Variants in DMRT3 observed in about 807,000 individuals in gnomAD.
DMRT3 encodes doublesex- and mab-3-related transcription factor 3.
In DMRT3, 29 loss-of-function variants were observed where a neutral mutation model predicts 34.9. The observed-to-expected ratio is 0.83, with a 90% CI of 0.62 to 1.13. The LOEUF is 1.13. Among genes scored for constraint, DMRT3 ranks in the 50% most tolerant of loss-of-function variants. DMRT3 has a pLI of 0.00. For synonymous variants in DMRT3, 350 were observed against 286.0 expected, an observed-to-expected ratio of 1.22 and a Z score of -2.26; for missense variants, 772 against 629.1, an observed-to-expected ratio of 1.23 and a Z score of -2.43.
chr9:990,403 G>T lies in DMRT3; in HGVS notation c.817G>T (p.Gly273Cys). ...KPTVLELILK[G>C]CGGDLVSAVE... The stretch of plus-strand genomic sequence containing the variant: ...AACGGTGCTTGAGCTCATCCTCAAG[G>T]GCTGTGGCGGGGACCTGGTGAGCGC... Residue 273 changes from glycine to cysteine, a missense_variant, in exon 2 of 2, where the codon GGC becomes TGC. By Grantham distance (159) the Gly-to-Cys change is radical (BLOSUM62 -3). Transcript: ENST00000190165. The T allele has an allele frequency of 1.2e-6, 2 of 1,614,104 alleles. No homozygotes were observed. Among genetic ancestry groups the T allele is most frequent in the South Asian group, 2.2e-5 (2 of 91,074 alleles).
chr9:984,479 A>G (rs1368311815), intron 1 of DMRT3, among the ~76,000 whole-genome samples: 2 of 149,656 alleles, frequency 1.3e-5, no homozygotes, highest in Non-Finnish European at 3.0e-5. Context: ...TTTTATTTAG[A>G]CAGTCTAATT....
intron 1 of DMRT3, among the ~76,000 whole-genome samples, chr9:984,617 C>T (rs28475529): frequency 0.028 from 4,254 of 151,982 alleles, 117 homozygotes; most frequent in East Asian, 0.097. Flanking sequence ...CCACCATGCT[C>T]GGCTATTTTT....
chr9:984,263 C>A (rs1278522820), intron 1 of DMRT3, among the ~76,000 whole-genome samples: 1 of 152,164 alleles, frequency 6.6e-6, no homozygotes, highest in Non-Finnish European at 1.5e-5. Context: ...GAGGATATGA[C>A]AATCTATGTT....
At chr9:985,057 A>G (rs1381566918) in intron 1 of DMRT3, among the ~76,000 whole-genome samples, 3 of 152,172 alleles carry the variant, frequency 2.0e-5, no homozygotes, top group African/African-American at 7.2e-5. Flanking sequence ...TTTTCTTTTT[A>G]ATTGAATATC....
At chr9:980,129 C>G (rs188115692) in intron 1 of DMRT3, among the ~76,000 whole-genome samples, 6 of 152,074 alleles carry the variant, frequency 3.9e-5, no homozygotes, top group African/African-American at 9.7e-5. Flanking sequence ...GGAGTCTTTC[C>G]TCTCCAGAAA....
chr9:977,471 G>C lies in DMRT3; in HGVS notation c.454+16G>C. The C allele has an allele frequency of 3.9e-6, 5 of 1,279,194 alleles. No individual in the cohort carries two copies. In the South Asian group the frequency reaches 1.7e-4, roughly 43 times the overall value. 79.2% of individuals were successfully genotyped at this position (1,279,194 alleles called of 1,614,324 possible). ...GCCAAGCCAGGTAAGAGCGTCTGAG[G>C]TGCGGGAGTTTGGCCGGGCGCGGGG... On this transcript the variant is annotated intron_variant, in intron 1 of 1. Coordinates refer to ENST00000190165, the MANE Select transcript of DMRT3 (RefSeq NM_021240.4).
chr9:990,962 G>A lies in DMRT3; in HGVS notation c.1376G>A (p.Arg459Lys), dbSNP rs770644071. 1 of 1,614,060 alleles carries A rather than the reference G, an allele frequency of 6.2e-7. No homozygotes were observed. The highest frequency in any genetic ancestry group is 8.5e-7 in the Non-Finnish European group (1 of 1,180,008). The change falls in exon 2 of 2, where the codon AGG becomes AAG. Residue 459 changes from arginine to lysine, a missense_variant. Transcript: ENST00000190165. The stretch of plus-strand genomic sequence containing the variant: ...TACACCGAGGACGACTATGACGAGA[G>A]GTCTGACTCCTCAGACTCTAGAACA... ...SIYTEDDYDE[R>K]SDSSDSRTLN... is the part of the protein sequence containing the mutation.
At chr9:989,774 T>TTCA in intron 1 of DMRT3, 1 of 344,034 alleles carries the variant, frequency 2.9e-6, no homozygotes, top group Non-Finnish European at 5.3e-6. Context: ...ATGTTACAGG[T>TTCA]TCATGTAGCC....
In DMRT3 at chr9:991,080, C is replaced by G. The variant is rs527838993; in HGVS notation, c.*75C>G. On this transcript the variant is annotated 3_prime_UTR_variant, in exon 2 of 2. Transcript: ENST00000190165. ...CCCTGAGGCATCTGAGGAGAGGCCA[C>G]ATCTTGTGTATGCCCTTTCCTTCTG... 1 of 1,521,080 alleles carries G rather than the reference C, an allele frequency of 6.6e-7. No individual in the cohort carries two copies. The highest frequency in any genetic ancestry group is 1.3e-5 in the South Asian group (1 of 77,924). 94.2% of individuals were successfully genotyped at this position (1,521,080 alleles called of 1,614,324 possible).
Position 991,137 on chromosome 9 carries a change from A to G in DMRT3, c.*132A>G. On this transcript the variant is annotated 3_prime_UTR_variant, in exon 2 of 2. Coordinates refer to ENST00000190165, the MANE Select transcript of DMRT3 (RefSeq NM_021240.4). The stretch of plus-strand genomic sequence containing the variant: ...AAAGTGACTGTGCTTGATTCTATAC[A>G]TTAGCAATAAAAACATAACTTATTT... 8.3e-7 allele frequency: 1 copy of G among 1,211,172 alleles called. No individual in the cohort carries two copies. The highest frequency in any genetic ancestry group is 1.1e-6 in the Non-Finnish European group (1 of 873,770). The allele number at this position is 1,211,172 out of a possible 1,614,324, so 75.0% of individuals were successfully genotyped here. A position where few individuals can be genotyped will look rare whatever the true frequency, so the allele number is the denominator to read the frequency against.
In DMRT3 at chr9:977,074, C is replaced by G. The variant is rs765974994; in HGVS notation, c.73C>G (p.Arg25Gly). 4 of 1,590,346 alleles carry G rather than the reference C, an allele frequency of 2.5e-6. No homozygotes were observed. The highest frequency in any genetic ancestry group is 2.6e-6 in the Non-Finnish European group (3 of 1,169,636). Reference protein sequence around the residue: ...VSQPPRAPLQRTPKCARCRNH... With the variant: ...VSQPPRAPLQGTPKCARCRNH... ...GCAGCCGCCACGGGCGCCCCTGCAG[C>G]GCACGCCCAAGTGCGCGCGCTGCCG... Residue 25 changes from arginine to glycine, a missense_variant, in exon 1 of 2, where the codon CGC (arginine) becomes GGC (glycine). Arg to Gly is a moderately radical substitution (Grantham distance 125). Coordinates refer to ENST00000190165, the MANE Select transcript of DMRT3 (RefSeq NM_021240.4).
chr9:984,398 G>A (rs73639959), intron 1 of DMRT3, among the ~76,000 whole-genome samples: 1,994 of 151,640 alleles, frequency 0.013, 46 homozygotes, highest in African/African-American at 0.046. Flanking sequence ...TTTTGTTTTC[G>A]TAGATATAAT....
At chr9:977,664 G>A (rs1229243415) in intron 1 of DMRT3, among the ~76,000 whole-genome samples, 7 of 152,242 alleles carry the variant, frequency 4.6e-5, no homozygotes, top group Non-Finnish European at 7.3e-5. Flanking sequence ...CGCGCCCGCA[G>A]GGAAGGCGCC....
At chr9:979,069 A>G (rs2130055029) in intron 1 of DMRT3, among the ~76,000 whole-genome samples, 1 of 152,268 alleles carries the variant, frequency 6.6e-6, no homozygotes, top group South Asian at 2.1e-4. Flanking sequence ...CCCCAGGACT[A>G]GGGCAGAGGC....
intron 1 of DMRT3, among the ~76,000 whole-genome samples, chr9:981,433 CAG>C (rs1820219202): frequency 6.6e-6 from 1 of 152,010 alleles, no homozygotes; most frequent in South Asian, 2.1e-4. Context: ...AATTGAAAAA[CAG>C]GGTCTCATTT....
Position 991,121 on chromosome 9 carries a change from GT to G in DMRT3, c.*117del, listed in dbSNP as rs147193348. On this transcript the variant is annotated 3_prime_UTR_variant, in exon 2 of 2. Transcript: ENST00000190165. ...TTTCCTTCTGTTTGACAAAGTGACTGTGCTTGATTCTATACATTAGCAATAA... is the reference window on the plus strand; with the variant it reads ...TTTCCTTCTGTTTGACAAAGTGACTGGCTTGATTCTATACATTAGCAATAA... 1,342 of 1,353,730 alleles carry G rather than the reference GT, an allele frequency of 9.9e-4. 8 individuals are homozygous for G. In the African/African-American group the frequency reaches 0.018, roughly 18 times the overall value. 83.9% of individuals were successfully genotyped at this position (1,353,730 alleles called of 1,614,324 possible).
Position 976,691 on chromosome 9 carries a change from G to T in DMRT3, c.-311G>T, listed in dbSNP as rs922863169. On this transcript the variant is annotated 5_prime_UTR_variant, in exon 1 of 2. Coordinates refer to ENST00000190165, the MANE Select transcript of DMRT3 (RefSeq NM_021240.4). The surrounding 1 kb of genome is among the most constrained non-coding windows in gnomAD (Gnocchi z 4.5). ...GGCTCAGACCTTAATCAGAGCTGTC[G>T]CCGGCTCCTTGCAGCCGCCGCAGCG... is the stretch of plus-strand genomic sequence containing the variant. Among the ~76,000 whole-genome samples, 1 of 152,196 alleles carries T rather than the reference G, an allele frequency of 6.6e-6. No individual in the cohort carries two copies. Among genetic ancestry groups the T allele is most frequent in the Non-Finnish European group, 1.5e-5 (1 of 68,024 alleles).
intron 1 of DMRT3, among the ~76,000 whole-genome samples, chr9:981,315 G>A (rs1226466182): frequency 6.6e-6 from 1 of 151,770 alleles, no homozygotes; most frequent in Non-Finnish European, 1.5e-5. Context: ...AGTGTAATGG[G>A]TGTTACGGAA....
At chr9:981,098 G>C (rs1215882727) in intron 1 of DMRT3, among the ~76,000 whole-genome samples, 2 of 152,106 alleles carry the variant, frequency 1.3e-5, no homozygotes, top group Non-Finnish European at 2.9e-5. Flanking sequence ...TTTCTTAGGG[G>C]GTGGGGGCGG....
Sources: allele counts gnomAD v4.1 joint callset (sites outside exome capture counted in the v4.1 genomes callset), GRCh38; gene constraint gnomAD v4.1.1; non-coding constraint Gnocchi (gnomAD v3.1); transcripts MANE v1.5; gene names NCBI Gene and HGNC (gene_info 2026-07-23, HGNC 2026-07-21).